Variants in GLRA1 observed in about 807,000 individuals in gnomAD.
GLRA1 encodes glycine receptor subunit alpha-1.
In GLRA1, 37 loss-of-function variants were observed where a neutral mutation model predicts 48.3. That is an observed-to-expected ratio of 0.77 (90% CI 0.59 to 1.01). The LOEUF is 1.01. GLRA1 is among the 50% of genes least tolerant of loss of function. The probability of loss-of-function intolerance (pLI) is 0.00; values close to 1 mark genes in which losing one functional copy is unlikely to be tolerated. For missense variants in GLRA1, 427 were observed against 571.0 expected, an observed-to-expected ratio of 0.75 and a Z score of 2.57; for synonymous variants, 196 against 210.7, an observed-to-expected ratio of 0.93 and a Z score of 0.60.
chr5:151,858,601 G>C (rs1753109721), intron 4 of GLRA1, among the ~76,000 whole-genome samples: 1 of 152,164 alleles, frequency 6.6e-6, no homozygotes, highest in Non-Finnish European at 1.5e-5. Context: ...CCTGAGCGAG[G>C]AAGGCCATGT....
At chr5:151,886,421 G>T (rs540187810) in intron 3 of GLRA1, among the ~76,000 whole-genome samples, 9 of 152,264 alleles carry the variant, frequency 5.9e-5, no homozygotes, top group African/African-American at 1.4e-4. Flanking sequence ...CTTAAAAACA[G>T]GTCTTCACAT....
Position 151,851,483 on chromosome 5 carries a change from G to A in GLRA1, c.819C>T (p.Asn273=). ...VILSWISFWI[N]MDAAPARVGL... The stretch of plus-strand genomic sequence containing the variant: ...CCACACGAGCAGGTGCAGCATCCAT[G>A]TTGATCCAGAAGGAGATCCATGAGA... Residue 273 remains asparagine, a synonymous_variant, in exon 7 of 9, where the codon AAC becomes AAT. Coordinates refer to ENST00000274576, the MANE Select transcript of GLRA1 (RefSeq NM_000171.4). 1.2e-6 allele frequency: 2 copies of A among 1,613,984 alleles called. No homozygotes were observed. Among genetic ancestry groups the A allele is most frequent in the Non-Finnish European group, 1.7e-6 (2 of 1,179,854 alleles).
chr5:151,885,801 T>C (rs2913880), intron 3 of GLRA1, among the ~76,000 whole-genome samples: 1 of 152,196 alleles, frequency 6.6e-6, no homozygotes, highest in South Asian at 2.1e-4. Flanking sequence ...CCATAGGAAG[T>C]GTTTAAATAG....
chr5:151,911,964 A>G (rs192762801), intron 1 of GLRA1, among the ~76,000 whole-genome samples: 5 of 152,322 alleles, frequency 3.3e-5, no homozygotes, highest in Admixed American at 3.3e-4. Context: ...TTTAAGAATT[A>G]GGCAATGACA....
chr5:151,850,704 C>A, intron 7 of GLRA1: 2 of 1,137,564 alleles, frequency 1.8e-6, no homozygotes, highest in Non-Finnish European at 2.7e-6. Flanking sequence ...TGCCCCTCTG[C>A]CACTGCGAAC....
At chr5:151,904,497 A>G (rs1397218370) in intron 1 of GLRA1, among the ~76,000 whole-genome samples, 1 of 152,216 alleles carries the variant, frequency 6.6e-6, no homozygotes, top group East Asian at 1.9e-4. Context: ...TTCCTCATCC[A>G]TAGCGTGTAG....
intron 1 of GLRA1, among the ~76,000 whole-genome samples, chr5:151,900,595 A>G (rs757609060): frequency 1.6e-4 from 24 of 152,140 alleles, no homozygotes; most frequent in Non-Finnish European, 2.9e-4. Context: ...GGCTTAATCA[A>G]TTTTGTGGCT....
chr5:151,827,011 G>A (rs1561545226), intron 8 of GLRA1, among the ~76,000 whole-genome samples: 2 of 140,666 alleles, frequency 1.4e-5, no homozygotes, highest in African/African-American at 5.3e-5. Context: ...CGTTTGGTCA[G>A]TTTCTTTCTT....
At chr5:151,852,144 G>A (rs747990664) in intron 6 of GLRA1, among the ~76,000 whole-genome samples, 37 of 152,158 alleles carry the variant, frequency 2.4e-4, no homozygotes, top group Non-Finnish European at 4.6e-4. Context: ...GCTCTAACCA[G>A]TCTTTCTATC....
chr5:151,823,097 T>G (rs1049585637), intron 8 of GLRA1, 134 bp from the exon 9 acceptor site: 31 of 811,086 alleles, frequency 3.8e-5, no homozygotes, highest in Non-Finnish European at 5.1e-5. Context: ...CACTCTAGGT[T>G]TCTGGAGGCT....
At chr5:151,869,570 C>CGGGTG (rs1561564444) in intron 3 of GLRA1, among the ~76,000 whole-genome samples, 10 of 149,776 alleles carry the variant, frequency 6.7e-5, no homozygotes, top group African/African-American at 2.5e-4. Context: ...AAAAATTAGC[C>CGGGTG]TGTACTTGGT....
At chr5:151,840,024 A>G (rs1763673019) in intron 7 of GLRA1, among the ~76,000 whole-genome samples, 4 of 152,196 alleles carry the variant, frequency 2.6e-5, no homozygotes, top group Admixed American at 2.6e-4. Context: ...CCTCAGGGCA[A>G]TCATGAAAAA....
intron 1 of GLRA1, among the ~76,000 whole-genome samples, chr5:151,893,804 G>GTGC (rs1754160666): frequency 1.3e-5 from 2 of 152,156 alleles, no homozygotes; most frequent in African/African-American, 4.8e-5. Flanking sequence ...ATTGTAAACA[G>GTGC]TGCTGCAATA....
At chr5:151,910,112 C>G (rs115571733) in intron 1 of GLRA1, among the ~76,000 whole-genome samples, 2 of 152,118 alleles carry the variant, frequency 1.3e-5, no homozygotes, top group African/African-American at 4.8e-5. Flanking sequence ...AGAAAATTCT[C>G]CTAAATACAC....
At chr5:151,892,274 C>G in intron 2 of GLRA1, 37 bp downstream of exon 2, 1 of 1,602,466 alleles carries the variant, frequency 6.2e-7, no homozygotes, top group Non-Finnish European at 8.6e-7. Flanking sequence ...TCTGGGAAAG[C>G]ATTTCCCTGT....
intron 7 of GLRA1, among the ~76,000 whole-genome samples, chr5:151,846,579 G>A (rs1752675681): frequency 6.6e-6 from 1 of 152,210 alleles, no homozygotes; most frequent in South Asian, 2.1e-4. Context: ...GTGAATAGAG[G>A]AGAGTGTGGT....
intron 1 of GLRA1, among the ~76,000 whole-genome samples, chr5:151,910,756 G>T (rs373095395): frequency 2.0e-5 from 3 of 152,206 alleles, no homozygotes; most frequent in Non-Finnish European, 4.4e-5. Context: ...GTATGAAAGT[G>T]TAGGCACCTT....
At chr5:151,893,656 A>G (rs946804931) in intron 1 of GLRA1, among the ~76,000 whole-genome samples, 1 of 152,104 alleles carries the variant, frequency 6.6e-6, no homozygotes, top group African/African-American at 2.4e-5. Flanking sequence ...GATGGCTTCC[A>G]GCTTCATCCA....
intron 7 of GLRA1, chr5:151,849,144 C>T (rs978531032): frequency 1.1e-5 from 2 of 184,680 alleles, no homozygotes; most frequent in African/African-American, 9.9e-5. Flanking sequence ...TTCTTTCTTT[C>T]TTTCTTTCTT....
Sources: allele counts gnomAD v4.1 joint callset (sites outside exome capture counted in the v4.1 genomes callset), GRCh38; gene constraint gnomAD v4.1.1; transcripts MANE v1.5; gene names NCBI Gene and HGNC (gene_info 2026-07-23, HGNC 2026-07-21).